The following MAPK6 variants were observed in gnomAD, a reference collection of about 807,000 sequenced individuals.
MAPK6 encodes ERK-3.
In MAPK6, 19 loss-of-function variants were observed where a neutral mutation model predicts 59.3. The observed-to-expected ratio is 0.32, with a 90% CI of 0.22 to 0.47. The LOEUF (loss-of-function observed/expected upper bound fraction) is 0.47. MAPK6 is among the 20% of genes least tolerant of loss of function. The pLI is 1.00. For missense variants in MAPK6, 724 were observed against 847.9 expected, an observed-to-expected ratio of 0.85 and a Z score of 1.81; for synonymous variants, 316 against 290.3, an observed-to-expected ratio of 1.09 and a Z score of -0.90.
At chr15:52,058,531 T>TC (rs34932148) in intron 3 of MAPK6, 102 bp from the exon 4 acceptor site, 7 of 955,722 alleles carry the variant, frequency 7.3e-6, no homozygotes, top group Middle Eastern at 3.0e-4. Context: ...TTCAAACTTT[T>TC]CCCCCCACTG....
chr15:52,033,140 G>T (rs781502319), intron 1 of MAPK6, among the ~76,000 whole-genome samples: 1 of 152,184 alleles, frequency 6.6e-6, no homozygotes, highest in African/African-American at 2.4e-5. Context: ...CTTTGAAAAG[G>T]TCTTTTGAAG....
At chr15:52,022,764 C>T (rs2030584862) in intron 1 of MAPK6, among the ~76,000 whole-genome samples, 1 of 151,942 alleles carries the variant, frequency 6.6e-6, no homozygotes, top group Non-Finnish European at 1.5e-5. Context: ...AACGTATTTT[C>T]GGCATTGTTT....
At chr15:51,989,062 C>G (rs1484662524) in intron 2 of MAPK6, among the ~76,000 whole-genome samples, 3 of 149,500 alleles carry the variant, frequency 2.0e-5, no homozygotes, top group Non-Finnish European at 4.4e-5. Context: ...GATAATCACT[C>G]CATCTCAAAA....
chr15:51,990,324 A>C (rs1309032385), intron 2 of MAPK6, among the ~76,000 whole-genome samples: 1 of 152,250 alleles, frequency 6.6e-6, no homozygotes, highest in Non-Finnish European at 1.5e-5. Context: ...TAAGGCCAAC[A>C]CAAAAGAAGC....
At chr15:52,061,707 G>A (rs1047954401) in intron 5 of MAPK6, among the ~76,000 whole-genome samples, 3 of 152,148 alleles carry the variant, frequency 2.0e-5, no homozygotes, top group Admixed American at 6.5e-5. Flanking sequence ...TTGAACCCAA[G>A]TGGCCGAGGC....
At chr15:52,061,633 T>A in intron 5 of MAPK6, 133 bp downstream of exon 5, 1 of 722,900 alleles carries the variant, frequency 1.4e-6, no homozygotes, top group Non-Finnish European at 2.2e-6. Context: ...ATACAAAAAT[T>A]AGTCAGGTGT....
rs2032429629 is a variant in MAPK6 at position 52,066,658 on chromosome 15, CTT to C, written c.*1661_*1662del. The stretch of plus-strand genomic sequence containing the variant: ...CAACAACTCCATCCTCTTCACCTCA[CTT>C]TTCTTTCATCCTTGTTTTGTACAAC... On this transcript the variant is annotated 3_prime_UTR_variant, in exon 6 of 6. Transcript: ENST00000261845. The C allele has an allele frequency of 6.6e-6, 1 of 152,050 alleles. No homozygotes were observed. The allele number at this position is 152,050 out of a possible 1,614,324, so 9.4% of individuals were successfully genotyped here.
chr15:52,023,917 A>C (rs1489204386), intron 1 of MAPK6, among the ~76,000 whole-genome samples: 1 of 152,128 alleles, frequency 6.6e-6, no homozygotes, highest in African/African-American at 2.4e-5. Flanking sequence ...CAGCCAATAG[A>C]GTTCTAAAAG....
intron 2 of MAPK6, among the ~76,000 whole-genome samples, chr15:51,996,088 C>G (rs2057223419): frequency 6.6e-6 from 1 of 152,194 alleles, no homozygotes; most frequent in Non-Finnish European, 1.5e-5. Flanking sequence ...GTCACCAGGC[C>G]TTTCTAAGGA....
chr15:52,024,609 C>G (rs2141856266), intron 1 of MAPK6: 1 of 151,960 alleles, frequency 6.6e-6, no homozygotes, highest in East Asian at 1.9e-4. Context: ...CCGTGTTAGC[C>G]AGGATGGTCT....
chr15:52,059,367 G>A (rs769996985), intron 4 of MAPK6, among the ~76,000 whole-genome samples: 4 of 152,196 alleles, frequency 2.6e-5, no homozygotes, highest in Non-Finnish European at 5.9e-5. Context: ...AGCTCAAGCA[G>A]CCTTTCTGCC....
At chr15:52,009,913 C>G (rs1033401522) in intron 3 of MAPK6, among the ~76,000 whole-genome samples, 3 of 151,898 alleles carry the variant, frequency 2.0e-5, no homozygotes, top group African/African-American at 7.3e-5. Flanking sequence ...GCTGGAATTA[C>G]AGGTGCCCGC....
At chr15:51,976,355 G>C (rs1304597250) in intron 1 of MAPK6, among the ~76,000 whole-genome samples, 3 of 151,472 alleles carry the variant, frequency 2.0e-5, no homozygotes, top group African/African-American at 2.4e-5. Context: ...GAAGATGGGG[G>C]TTAGTCAGGA....
upstream of MAPK6, among the ~76,000 whole-genome samples, chr15:52,016,101 C>CACACAT (rs2030255321): frequency 5.5e-5 from 8 of 146,600 alleles, no homozygotes; most frequent in African/African-American, 1.5e-4. Context: ...CACACACACA[C>CACACAT]ACACACAAAC....
At chr15:52,013,945 C>T (rs957799493) in intron 3 of MAPK6, among the ~76,000 whole-genome samples, 3 of 152,058 alleles carry the variant, frequency 2.0e-5, no homozygotes, top group South Asian at 2.1e-4. Context: ...AAGTTTTGGC[C>T]TTGTAATCAA....
intron 1 of MAPK6, chr15:52,027,617 A>ATTTTTTTT (rs11434208): frequency 7.6e-6 from 1 of 131,056 alleles, no homozygotes; most frequent in Non-Finnish European, 1.6e-5. Context: ...TTTAATCTTA[A>ATTTTTTTT]TTTTTTTTTT....
At chr15:52,054,557 A>T (rs2031895415) in intron 3 of MAPK6, among the ~76,000 whole-genome samples, 1 of 152,156 alleles carries the variant, frequency 6.6e-6, no homozygotes, top group South Asian at 2.1e-4. Flanking sequence ...ACATACTGTC[A>T]ACTTTAGCTT....
chr15:52,004,274 G>A (rs2057251003), exon 3 of MAPK6: 1 of 152,132 alleles, frequency 6.6e-6, no homozygotes, highest in African/African-American at 2.4e-5. Context: ...GGAATGCTTT[G>A]CCTTTTATCT....
At chr15:52,036,685 T>C (rs1285296997) in intron 1 of MAPK6, among the ~76,000 whole-genome samples, 1 of 152,224 alleles carries the variant, frequency 6.6e-6, no homozygotes, top group East Asian at 1.9e-4. Flanking sequence ...AAGACTGGAC[T>C]CTTTCAGTAG....
Sources: gnomAD v4.1 joint callset for allele counts (sites outside exome capture counted in the v4.1 genomes callset) on GRCh38, gnomAD v4.1.1 for gene constraint, MANE v1.5 for transcripts, NCBI Gene and HGNC (gene_info 2026-07-23, HGNC 2026-07-21) for gene names.